NIPBL: variants seen among roughly 807,000 people sequenced by gnomAD.
NIPBL encodes NIPBL cohesin loading factor, also known as nipped-B-like protein.
NIPBL carries 19 observed loss-of-function variants against 321.8 expected under a neutral mutation model. The observed-to-expected ratio is 0.06, with a 90% CI of 0.04 to 0.09. The LOEUF is 0.09. Ranked by LOEUF, NIPBL falls within the 10% of genes least tolerant of loss-of-function variation. The pLI is 1.00. For missense variants in NIPBL, 2,210 were observed against 3,327.0 expected (o/e 0.66, Z 8.26); for synonymous variants, 1,106 against 1,114.1 (o/e 0.99, Z 0.14).
intron 42 of NIPBL, among the ~76,000 whole-genome samples, chr5:37,053,714 C>T (rs1753803237): frequency 6.6e-6 from 1 of 152,186 alleles, no homozygotes; most frequent in Admixed American, 6.5e-5. Context: ...TGGCCAGGAC[C>T]ATAGGCCAAG....
chr5:36,998,708 T>C (rs1449622360), intron 11 of NIPBL, among the ~76,000 whole-genome samples: 1 of 152,246 alleles, frequency 6.6e-6, no homozygotes, highest in East Asian at 1.9e-4. Flanking sequence ...TCCCTTGTAA[T>C]GTAGGCATTT....
chr5:36,968,163 GATAT>G (rs1742449839), intron 6 of NIPBL, among the ~76,000 whole-genome samples: 1 of 151,234 alleles, frequency 6.6e-6, no homozygotes, highest in South Asian at 2.1e-4. Flanking sequence ...GACAAAATTG[GATAT>G]ATATATGAAT....
At chr5:36,893,955 A>G (rs16903385) in intron 1 of NIPBL, among the ~76,000 whole-genome samples, 7,498 of 152,204 alleles carry the variant, frequency 0.049, 643 homozygotes, top group African/African-American at 0.17. Context: ...GAAATTGTGA[A>G]CTGACCTATC....
intron 1 of NIPBL, among the ~76,000 whole-genome samples, chr5:36,887,864 C>A (rs1269070785): frequency 6.6e-6 from 1 of 152,168 alleles, no homozygotes; most frequent in African/African-American, 2.4e-5. Context: ...TCCCTTAATT[C>A]TTCCTTACTC....
At chr5:36,987,531 C>T (rs1744963237) in intron 10 of NIPBL, among the ~76,000 whole-genome samples, 1 of 152,168 alleles carries the variant, frequency 6.6e-6, no homozygotes, top group African/African-American at 2.4e-5. Context: ...TGTAGCTTGT[C>T]TACCAAGAAA....
chr5:37,010,623 T>A (rs1748009377), intron 21 of NIPBL, among the ~76,000 whole-genome samples: 1 of 152,132 alleles, frequency 6.6e-6, no homozygotes, highest in African/African-American at 2.4e-5. Context: ...ATGTTCTTAA[T>A]TAGAGGTTCA....
chr5:36,981,154 G>C (rs987443701), intron 9 of NIPBL, among the ~76,000 whole-genome samples: 14 of 151,654 alleles, frequency 9.2e-5, no homozygotes, highest in African/African-American at 3.4e-4. Flanking sequence ...TGGTGATATG[G>C]AGCAGGCAGG....
intron 32 of NIPBL, among the ~76,000 whole-genome samples, chr5:37,030,336 C>T (rs1750841956): frequency 6.6e-6 from 1 of 152,018 alleles, no homozygotes; most frequent in Non-Finnish European, 1.5e-5. Context: ...TGATATATTT[C>T]CTTATACTAG....
At chr5:36,900,980 C>T (rs1437179606) in intron 1 of NIPBL, among the ~76,000 whole-genome samples, 2 of 152,036 alleles carry the variant, frequency 1.3e-5, no homozygotes, top group African/African-American at 2.4e-5. Context: ...CCAGGGGGTA[C>T]ATGTGCAGGT....
chr5:37,010,019 C>T (rs1216069946), intron 20 of NIPBL, 68 bp from the exon 21 acceptor site: 1 of 1,241,166 alleles, frequency 8.1e-7, no homozygotes, highest in Non-Finnish European at 1.2e-6. Context: ...GTGAAACTTT[C>T]AGACAATAGA....
chr5:37,049,868 CT>C (rs1332192089), intron 40 of NIPBL, among the ~76,000 whole-genome samples: 2 of 152,142 alleles, frequency 1.3e-5, no homozygotes, highest in Admixed American at 1.3e-4. Flanking sequence ...GCACCATAGG[CT>C]ACAAAAGTGT....
At chr5:36,986,410 A>G (rs1336462285) in intron 10 of NIPBL, 109 bp downstream of exon 10, 7 of 740,694 alleles carry the variant, frequency 9.5e-6, no homozygotes, top group Non-Finnish European at 1.4e-5. Context: ...CTACATGAAA[A>G]TATAACATTT....
chr5:36,898,380 A>G (rs1746939506), intron 1 of NIPBL, among the ~76,000 whole-genome samples: 1 of 152,210 alleles, frequency 6.6e-6, no homozygotes, highest in Admixed American at 6.5e-5. Context: ...GGTCATATTT[A>G]ATACTGTTGA....
chr5:36,989,204 G>A (rs1745183747), intron 10 of NIPBL, among the ~76,000 whole-genome samples: 2 of 152,052 alleles, frequency 1.3e-5, no homozygotes, highest in South Asian at 2.1e-4. Context: ...TCTTCACCCT[G>A]TCAACTACCT....
intron 1 of NIPBL, chr5:36,885,824 G>A (rs1262973126): frequency 3.0e-6 from 2 of 672,998 alleles, no homozygotes; most frequent in Non-Finnish European, 5.5e-6. Context: ...GGCTCTCAGG[G>A]AGGAGCTGCT....
At chr5:36,956,047 C>G (rs1298912693) in intron 3 of NIPBL, among the ~76,000 whole-genome samples, 1 of 150,510 alleles carries the variant, frequency 6.6e-6, no homozygotes, top group Non-Finnish European at 1.5e-5. Context: ...TGGTGAAACC[C>G]CATCTCTACT....
At chr5:36,995,508 TAAAC>T (rs1746040291) in intron 10 of NIPBL, 110 bp from the exon 11 acceptor site, 37 of 705,126 alleles carry the variant, frequency 5.2e-5, no homozygotes, top group South Asian at 4.8e-4. Context: ...TTTATTAAAA[TAAAC>T]AGTTGATTTA....
At chr5:36,950,773 A>C (rs1411550516) in intron 1 of NIPBL, among the ~76,000 whole-genome samples, 1 of 152,114 alleles carries the variant, frequency 6.6e-6, no homozygotes, top group Non-Finnish European at 1.5e-5. Context: ...CCAAAACATT[A>C]TTCAATCCAG....
At chr5:36,882,885 T>A (rs72734674) in intron 1 of NIPBL, among the ~76,000 whole-genome samples, 10,825 of 149,324 alleles carry the variant, frequency 0.072, 404 homozygotes, top group Middle Eastern at 0.11. Flanking sequence ...TCTTTTTTTT[T>A]AAAAAAAAAA....
Sources: allele counts gnomAD v4.1 joint callset (sites outside exome capture counted in the v4.1 genomes callset), GRCh38; gene constraint gnomAD v4.1.1; transcripts MANE v1.5; gene names NCBI Gene and HGNC (gene_info 2026-07-23, HGNC 2026-07-21).